PCDHGB5: variants seen among roughly 807,000 people sequenced by gnomAD.
PCDHGB5 encodes the protein protocadherin gamma-B5.
PCDHGB5 carries 48 observed loss-of-function variants against 62.9 expected under a neutral mutation model. The observed-to-expected ratio is 0.76, with a 90% CI of 0.61 to 0.97. The LOEUF is 0.97. Among genes scored for constraint, PCDHGB5 ranks in the 50% least tolerant of loss-of-function variants. The pLI, the probability that PCDHGB5 is intolerant of heterozygous loss-of-function variation, is 0.00. For missense variants in PCDHGB5, 1,118 were observed against 1,198.6 expected, an observed-to-expected ratio of 0.93 and a Z score of 0.99; for synonymous variants, 474 against 511.2, an observed-to-expected ratio of 0.93 and a Z score of 0.98.
chr5:141,458,273 G>C, intron 1 of PCDHGB5, among the ~76,000 whole-genome samples: 1 of 152,158 alleles, frequency 6.6e-6, no homozygotes, highest in Non-Finnish European at 1.5e-5. Context: ...AGGAACAACA[G>C]GGTTCCTGGT....
At chr5:141,409,024 T>C (rs2095212064) in intron 1 of PCDHGB5, 2 of 1,613,988 alleles carry the variant, frequency 1.2e-6, no homozygotes, top group South Asian at 1.1e-5. Context: ...AGGGGGTCAA[T>C]GCTGAGATAA....
intron 1 of PCDHGB5, chr5:141,430,668 C>T (rs538633559): frequency 1.6e-6 from 2 of 1,243,872 alleles, no homozygotes; most frequent in East Asian, 2.5e-5. Context: ...GGAGCTCTGA[C>T]TTCCCAACTG....
In PCDHGB5 at chr5:141,399,174, T is replaced by A; in HGVS notation, c.1047T>A (p.Leu349=). The A allele has an allele frequency of 6.2e-7, 1 of 1,613,818 alleles. No homozygotes were observed. Among genetic ancestry groups the A allele is most frequent in the Non-Finnish European group, 8.5e-7 (1 of 1,179,764 alleles). ...CAGAAGTTACATTCCATTCTCTACT[T>A]GAAATGATTCTGGAAAACGCGGTGC... ...NSPEVTFHSL[L]EMILENAVPG... Residue 349 remains leucine, a synonymous_variant, in exon 1 of 4, where the codon CTT becomes CTA. Transcript: ENST00000617380.
chr5:141,422,898 C>T (rs2096684110), intron 1 of PCDHGB5: 2 of 1,614,250 alleles, frequency 1.2e-6, no homozygotes, highest in Middle Eastern at 1.6e-4. Flanking sequence ...TGGACCAGAA[C>T]GACAATGCGC....
chr5:141,403,995 C>T, intron 1 of PCDHGB5: 1 of 1,613,762 alleles, frequency 6.2e-7, no homozygotes, highest in Non-Finnish European at 8.5e-7. Context: ...CCTGAAGTGA[C>T]CATTACATCT....
At position 141,491,422 on chromosome 5, in the gene PCDHGB5, G is replaced by T. The variant is rs1413549196; in HGVS notation, c.2398-3385G>T. 1 of 1,614,112 alleles carries T rather than the reference G, an allele frequency of 6.2e-7. No homozygotes were observed. The stretch of plus-strand genomic sequence containing the variant: ...AAACGCAGACGGGGACGGGGGTGGA[G>T]GGCAGTGCTGCAGGCGCCAGGACTC... On this transcript the variant is annotated intron_variant, in intron 1 of 3. Coordinates refer to ENST00000617380, the MANE Select transcript of PCDHGB5 (RefSeq NM_018925.3). The surrounding 1 kb of genome is among the most constrained non-coding windows in gnomAD (Gnocchi z 6.9).
intron 1 of PCDHGB5, chr5:141,419,306 C>A: frequency 1.9e-6 from 3 of 1,614,032 alleles, no homozygotes; most frequent in Non-Finnish European, 2.5e-6. Context: ...AGACTTCGGG[C>A]TCAACGGCCG....
chr5:141,418,058 C>A (rs2096216434), intron 1 of PCDHGB5: 1 of 1,613,872 alleles, frequency 6.2e-7, no homozygotes, highest in Non-Finnish European at 8.5e-7. Flanking sequence ...TCGCGAGCTG[C>A]GAGTGAGCGC....
At chr5:141,434,667 G>A (rs1464226862) in intron 1 of PCDHGB5, among the ~76,000 whole-genome samples, 5 of 151,956 alleles carry the variant, frequency 3.3e-5, no homozygotes, top group African/African-American at 1.2e-4. Context: ...CTATAGAAAT[G>A]ATGCTAATGA....
At chr5:141,422,272 A>G in intron 1 of PCDHGB5, 1 of 1,561,362 alleles carries the variant, frequency 6.4e-7, no homozygotes, top group Non-Finnish European at 8.6e-7. Context: ...TCCAGAAATA[A>G]CTATCACCTC....
Position 141,487,892 on chromosome 5 carries a change from T to A in PCDHGB5, c.2398-6915T>A. On this transcript the variant is annotated intron_variant, in intron 1 of 3. Coordinates refer to ENST00000617380, the MANE Select transcript of PCDHGB5 (RefSeq NM_018925.3). The surrounding 1 kb of genome is among the most constrained non-coding windows in gnomAD (Gnocchi z 5.0). The stretch of plus-strand genomic sequence containing the variant: ...GAGCCAGGCTGTTGTGGAAGCATGA[T>A]GATGGAATGTGGGAGCACAGGAGGC... 1 of 731,410 alleles carries A rather than the reference T, an allele frequency of 1.4e-6. No homozygotes were observed. Among genetic ancestry groups the A allele is most frequent in the South Asian group, 1.8e-5 (1 of 54,120 alleles). The allele number at this position is 731,410 out of a possible 1,614,324, so 45.3% of individuals were successfully genotyped here. A position where few individuals can be genotyped will look rare whatever the true frequency, so the allele number is the denominator to read the frequency against.
intron 1 of PCDHGB5, chr5:141,418,829 C>A: frequency 1.9e-6 from 3 of 1,613,856 alleles, no homozygotes; most frequent in Non-Finnish European, 1.7e-6. Context: ...AGCAAAAGAC[C>A]GAGGATCTCT....
intron 1 of PCDHGB5, chr5:141,419,479 C>T (rs764891283): frequency 6.2e-7 from 1 of 1,612,390 alleles, no homozygotes; most frequent in Non-Finnish European, 8.5e-7. Context: ...AGGGCTCGCC[C>T]GCGCTCAGCG....
intron 1 of PCDHGB5, among the ~76,000 whole-genome samples, chr5:141,483,575 A>G (rs1165739266): frequency 6.6e-6 from 1 of 152,194 alleles, no homozygotes; most frequent in Non-Finnish European, 1.5e-5. Flanking sequence ...GAATTCTGGC[A>G]TAAACACCTA....
chr5:141,498,726 G>T (rs2099785379), intron 2 of PCDHGB5, among the ~76,000 whole-genome samples: 1 of 152,172 alleles, frequency 6.6e-6, no homozygotes, highest in Admixed American at 6.5e-5. Context: ...GAGGTCAGGA[G>T]TTTGAGACCA....
intron 1 of PCDHGB5, chr5:141,415,481 A>G: frequency 1.9e-6 from 3 of 1,614,114 alleles, no homozygotes; most frequent in Non-Finnish European, 1.7e-6. Flanking sequence ...GACTCGCGAA[A>G]GAGTCACCTG....
At chr5:141,446,830 A>G (rs1289946397) in intron 1 of PCDHGB5, among the ~76,000 whole-genome samples, 1 of 152,176 alleles carries the variant, frequency 6.6e-6, no homozygotes, top group Non-Finnish European at 1.5e-5. Flanking sequence ...GTAGATCCTT[A>G]TAAGGCTGAG....
rs532087470 is a variant in PCDHGB5, at chr5:141,414,020, C to T, written c.2397+13496C>T. 9 of 1,612,620 alleles carry T rather than the reference C, an allele frequency of 5.6e-6. No homozygotes were observed. The East Asian group carries it at 1.8e-4, about 32-fold the overall frequency. The stretch of plus-strand genomic sequence containing the variant: ...GACGAAGGTGCCAATGGAGAAGTGA[C>T]ATATTCATTCCGAAAATTACCTGAC... On this transcript the variant is annotated intron_variant, in intron 1 of 3. Transcript: ENST00000617380.
chr5:141,412,967 A>G, intron 1 of PCDHGB5: 1 of 520,650 alleles, frequency 1.9e-6, no homozygotes, highest in Non-Finnish European at 3.3e-6. Context: ...CTACTAGGAG[A>G]GAAAACGCAG....
Sources: allele counts gnomAD v4.1 joint callset (sites outside exome capture counted in the v4.1 genomes callset), GRCh38; gene constraint gnomAD v4.1.1; non-coding constraint Gnocchi (gnomAD v3.1); transcripts MANE v1.5; gene names NCBI Gene and HGNC (gene_info 2026-07-23, HGNC 2026-07-21).